The following CHRM3 variants were observed in gnomAD, a reference collection of about 807,000 sequenced individuals.
CHRM3 encodes muscarinic acetylcholine receptor M3.
CHRM3 carries 11 observed loss-of-function variants against 41.8 expected under a neutral mutation model. The observed-to-expected ratio is 0.26, with a 90% CI of 0.17 to 0.44. The LOEUF (loss-of-function observed/expected upper bound fraction) is 0.44. Among genes scored for constraint, CHRM3 ranks in the 20% least tolerant of loss-of-function variants. CHRM3 has a pLI of 1.00. For synonymous variants in CHRM3, 297 were observed against 301.4 expected (o/e 0.99, Z 0.15); for missense variants, 571 against 745.4 (o/e 0.77, Z 2.72).
At chr1:239,489,334 C>T (rs1667409030) in intron 1 of CHRM3, among the ~76,000 whole-genome samples, 1 of 152,016 alleles carries the variant, frequency 6.6e-6, no homozygotes, top group South Asian at 2.1e-4. Context: ...ATCGCTTGAA[C>T]CTGGGAGGCA....
chr1:239,752,690 A>G (rs1665929907), intron 5 of CHRM3, among the ~76,000 whole-genome samples: 1 of 152,214 alleles, frequency 6.6e-6, no homozygotes, highest in Non-Finnish European at 1.5e-5. Context: ...GTGACAAACG[A>G]CTGTCATATT....
chr1:239,690,689 G>A (rs1444087102), intron 5 of CHRM3, among the ~76,000 whole-genome samples: 1 of 151,914 alleles, frequency 6.6e-6, no homozygotes, highest in African/African-American at 2.4e-5. Flanking sequence ...CCCCTTATAT[G>A]GAAATTCACA....
chr1:239,664,225 G>A (rs905160254), intron 4 of CHRM3, among the ~76,000 whole-genome samples: 9 of 152,286 alleles, frequency 5.9e-5, no homozygotes, highest in African/African-American at 1.7e-4. Flanking sequence ...TTATCTTCAC[G>A]TAAGTCATCC....
At chr1:239,755,907 T>A (rs1666201925) in intron 5 of CHRM3, among the ~76,000 whole-genome samples, 1 of 152,198 alleles carries the variant, frequency 6.6e-6, no homozygotes, top group Non-Finnish European at 1.5e-5. Context: ...CCACAGCATC[T>A]TGCTACAGGG....
chr1:239,694,041 G>A (rs954445976), intron 5 of CHRM3, among the ~76,000 whole-genome samples: 22 of 152,082 alleles, frequency 1.4e-4, no homozygotes, highest in East Asian at 1.9e-4. Context: ...TTGGGGTGCC[G>A]TGAGCATTAT....
intron 4 of CHRM3, among the ~76,000 whole-genome samples, chr1:239,648,582 G>C (rs904603283): frequency 6.6e-6 from 1 of 152,122 alleles, no homozygotes; most frequent in Non-Finnish European, 1.5e-5. Context: ...GGATGAGGGG[G>C]AATTCTGGAG....
intron 1 of CHRM3, among the ~76,000 whole-genome samples, chr1:239,466,703 A>G (rs1003799009): frequency 6.6e-6 from 1 of 152,034 alleles, no homozygotes; most frequent in African/African-American, 2.4e-5. Context: ...GCCTCTAGCA[A>G]TCCTCCTGCC....
chr1:239,402,200 T>A lies in CHRM3; in HGVS notation c.-521+14973T>A, dbSNP rs1215965138. On this transcript the variant is annotated intron_variant, in intron 1 of 6. Transcript: ENST00000676153. ...CCAAAATATTCCACTCTTCCTACTT[T>A]TCCTATATGCATTGATTTCATCACA... Among the ~76,000 whole-genome samples the A allele has an allele frequency of 2.0e-5, 3 of 152,194 alleles. No individual in the cohort carries two copies. In the East Asian group the frequency reaches 5.8e-4, roughly 29 times the overall value.
In CHRM3 at chr1:239,643,868, A is replaced by G. The variant is rs1472058050; in HGVS notation, c.-250+11582A>G. 2.0e-5 allele frequency among the ~76,000 whole-genome samples: 3 copies of G among 152,146 alleles called. No individual in the cohort carries two copies. The East Asian group carries it at 5.8e-4, about 29-fold the overall frequency. On this transcript the variant is annotated intron_variant, in intron 4 of 6. Coordinates refer to ENST00000676153, the MANE Select transcript of CHRM3 (RefSeq NM_001375978.1). ...ATCACCTGTCTTCTGCGTCGCTCAC[A>G]CTGGGAGCTGTAGACTGGAGCTGTT...
intron 4 of CHRM3, among the ~76,000 whole-genome samples, chr1:239,632,621 A>G (rs1390578079): frequency 6.6e-6 from 1 of 152,248 alleles, no homozygotes; most frequent in Non-Finnish European, 1.5e-5. Flanking sequence ...ATAGGATCTT[A>G]TAGCTTGTCT....
At chr1:239,516,448 T>C (rs967014269) in intron 2 of CHRM3, among the ~76,000 whole-genome samples, 3 of 152,218 alleles carry the variant, frequency 2.0e-5, no homozygotes, top group African/African-American at 7.2e-5. Context: ...TAAATATTAA[T>C]GACATTTCAT....
At chr1:239,512,769 T>C (rs1669006145) in intron 2 of CHRM3, among the ~76,000 whole-genome samples, 1 of 152,034 alleles carries the variant, frequency 6.6e-6, no homozygotes, top group Non-Finnish European at 1.5e-5. Flanking sequence ...AGGCTTTAAT[T>C]CCAAATTCAT....
chr1:239,436,623 G>C (rs1663292417), intron 1 of CHRM3, among the ~76,000 whole-genome samples: 1 of 151,872 alleles, frequency 6.6e-6, no homozygotes, highest in Non-Finnish European at 1.5e-5. Context: ...GATTGAAAGA[G>C]GAAAAGCTTT....
intron 1 of CHRM3, among the ~76,000 whole-genome samples, chr1:239,447,871 G>A (rs1664267187): frequency 6.6e-6 from 1 of 152,180 alleles, no homozygotes; most frequent in Non-Finnish European, 1.5e-5. Context: ...ATTTTTCTCA[G>A]CATCCACATC....
chr1:239,709,667 C>G (rs940889854), intron 5 of CHRM3, among the ~76,000 whole-genome samples: 3 of 152,120 alleles, frequency 2.0e-5, no homozygotes, highest in Non-Finnish European at 2.9e-5. Context: ...TCACTAGCTG[C>G]TTTTGGAAAT....
Position 239,664,840 on chromosome 1 carries a change from T to C in CHRM3, c.-249-13346T>C, listed in dbSNP as rs1224235088. Among the ~76,000 whole-genome samples the C allele has an allele frequency of 3.9e-5, 6 of 152,164 alleles. 1 individual carries two copies. The highest frequency in any genetic ancestry group is 2.0e-4 in the Admixed American group (3 of 15,272). On this transcript the variant is annotated intron_variant, in intron 4 of 6. Coordinates refer to ENST00000676153, the MANE Select transcript of CHRM3 (RefSeq NM_001375978.1). ...GGTCTTCCTGGCTTCTCAGTGTACT[T>C]CTTGTCTACTTTTCACCACGGTTCG...
chr1:239,517,611 G>T (rs1669358920), intron 2 of CHRM3, among the ~76,000 whole-genome samples: 1 of 152,136 alleles, frequency 6.6e-6, no homozygotes, highest in South Asian at 2.1e-4. Context: ...TGGTAGCCAG[G>T]TCAAAAGTAT....
At chr1:239,864,954 A>C (rs1400954526) in intron 6 of CHRM3, among the ~76,000 whole-genome samples, 1 of 152,158 alleles carries the variant, frequency 6.6e-6, no homozygotes, top group Non-Finnish European at 1.5e-5. Context: ...GGAGAAGGTG[A>C]CAACATCTAT....
At chr1:239,857,904 T>G (rs1675257000) in intron 6 of CHRM3, among the ~76,000 whole-genome samples, 1 of 152,178 alleles carries the variant, frequency 6.6e-6, no homozygotes, top group African/African-American at 2.4e-5. Flanking sequence ...TATGTTCTGT[T>G]ATAACATTAT....
Sources: allele counts gnomAD v4.1 joint callset (sites outside exome capture counted in the v4.1 genomes callset), GRCh38; gene constraint gnomAD v4.1.1; transcripts MANE v1.5; gene names NCBI Gene and HGNC (gene_info 2026-07-23, HGNC 2026-07-21).